Variants in CD22 observed in about 807,000 individuals in gnomAD.
CD22 encodes the protein CD22 molecule.
A neutral mutation model predicts 94.7 loss-of-function variants in CD22; 51 were observed. The observed-to-expected ratio is 0.54, with a 90% CI of 0.43 to 0.68. CD22 has a LOEUF of 0.68. CD22 is among the 30% of genes least tolerant of loss of function. The probability of loss-of-function intolerance (pLI) is 0.00; values close to 1 mark genes in which losing one functional copy is unlikely to be tolerated. For missense variants in CD22, 931 were observed against 1,060.4 expected, an observed-to-expected ratio of 0.88 and a Z score of 1.69; for synonymous variants, 424 against 422.5, an observed-to-expected ratio of 1.00 and a Z score of -0.04.
intron 1 of CD22, among the ~76,000 whole-genome samples, chr19:35,330,161 C>T (rs1394976070): frequency 1.3e-5 from 2 of 151,826 alleles, no homozygotes; most frequent in Non-Finnish European, 2.9e-5. Flanking sequence ...CCCATCTCTA[C>T]TAAAACAAAC....
chr19:35,346,051 G>C, intron 12 of CD22, 100 bp from the exon 13 acceptor site: 3 of 879,450 alleles, frequency 3.4e-6, no homozygotes, highest in Non-Finnish European at 5.7e-6. Flanking sequence ...TTACATAAGG[G>C]GCTGAGGTTG....
intron 9 of CD22, among the ~76,000 whole-genome samples, chr19:35,342,873 T>C (rs1434144263): frequency 5.3e-5 from 8 of 151,934 alleles, no homozygotes; most frequent in African/African-American, 1.2e-4. Flanking sequence ...TGCAGTGGCG[T>C]GATCACGGCT....
intron 3 of CD22, among the ~76,000 whole-genome samples, chr19:35,334,975 G>A (rs1038184575): frequency 5.3e-5 from 8 of 151,756 alleles, no homozygotes; most frequent in Non-Finnish European, 8.8e-5. Flanking sequence ...CTACTCAGGA[G>A]GCTGAGGCAG....
At chr19:35,335,160 T>TG (rs778427325) in intron 3 of CD22, among the ~76,000 whole-genome samples, 62 of 149,248 alleles carry the variant, frequency 4.2e-4, no homozygotes, top group Non-Finnish European at 2.7e-4. Context: ...CATCCGGCAA[T>TG]GAGCATGAAA....
chr19:35,342,002 GGTCA>G (rs761815466), intron 9 of CD22, 37 bp downstream of exon 9: 9 of 1,397,896 alleles, frequency 6.4e-6, no homozygotes, highest in African/African-American at 4.4e-5. Flanking sequence ...TCTTGGTGGT[GGTCA>G]GTCCTTCCTT....
chr19:35,338,183 C>A lies in CD22; in HGVS notation c.1001C>A (p.Ser334Tyr). 1 of 1,612,386 alleles carries A rather than the reference C, an allele frequency of 6.2e-7. No individual in the cohort carries two copies. The highest frequency in any genetic ancestry group is 8.5e-7 in the Non-Finnish European group (1 of 1,178,812). Residue 334 changes from serine (S) to tyrosine (Y), a missense_variant, in exon 6 of 14, where the codon TCC (serine) becomes TAC (tyrosine). Transcript: ENST00000085219. ...FLQVQYAPEP[S>Y]TVQILHSPAV... ...CCTCTTCCAGATGCCCCGGAACCTT[C>A]CACGGTTCAGATCCTCCACTCACCG...
Position 35,337,762 on chromosome 19 carries a change from G to T in CD22, c.726G>T (p.Pro242=). The change falls in exon 5 of 14, where the codon CCG becomes CCT. Residue 242 remains proline, a synonymous_variant. Coordinates refer to ENST00000085219, the MANE Select transcript of CD22 (RefSeq NM_001771.4). The surrounding 1 kb of genome is among the most constrained non-coding windows in gnomAD (Gnocchi z 4.4). The stretch of plus-strand genomic sequence containing the variant: ...GCCCCTCTGCTCCTCCAGACACCCC[G>T]AAGTTGGAGATCAAGGTCACTCCCA... ...DTVQLNVKHT[P]KLEIKVTPSD... The T allele has an allele frequency of 6.3e-7, 1 of 1,594,484 alleles. No homozygotes were observed. Among genetic ancestry groups the T allele is most frequent in the Non-Finnish European group, 8.6e-7 (1 of 1,164,828 alleles).
chr19:35,336,645 T>C (rs1017178413), intron 4 of CD22: 1 of 399,182 alleles, frequency 2.5e-6, no homozygotes, highest in African/African-American at 2.0e-5. Flanking sequence ...ATTCAATAAA[T>C]ACGTATCATG....
In CD22 at chr19:35,341,003, C is replaced by G; in HGVS notation, c.1372C>G (p.Pro458Ala). The change falls in exon 7 of 14, where the codon CCC (proline) becomes GCC (alanine). Residue 458 changes from proline to alanine, a missense_variant. Physicochemically the swap from Pro to Ala is conservative, Grantham distance 27. Transcript: ENST00000085219. The surrounding 1 kb of genome is among the most constrained non-coding windows in gnomAD (Gnocchi z 4.0). Reference protein sequence around the residue: ...NPSVTRYEWKPHGAWEEPSLG... With the variant: ...NPSVTRYEWKAHGAWEEPSLG... ...CAGTGTTACCCGGTATGAATGGAAACCCCATGGCGCCTGGGAGGAGCCATC... is the reference window on the plus strand; with the variant it reads ...CAGTGTTACCCGGTATGAATGGAAAGCCCATGGCGCCTGGGAGGAGCCATC... The G allele has an allele frequency of 8.1e-6, 13 of 1,614,220 alleles. No individual in the cohort carries two copies. The highest frequency in any genetic ancestry group is 1.1e-5 in the Non-Finnish European group (13 of 1,180,042).
chr19:35,340,172 G>A (rs2066786457), intron 6 of CD22, among the ~76,000 whole-genome samples: 2 of 152,178 alleles, frequency 1.3e-5, no homozygotes, highest in South Asian at 4.1e-4. Context: ...AGTGATGTTT[G>A]TGGAGTGTTT....
In CD22 at chr19:35,341,893, G is replaced by A. The variant is rs199891075; in HGVS notation, c.1963G>A (p.Gly655Ser). The change falls in exon 9 of 14, where the codon GGT becomes AGT. Residue 655 changes from glycine (G) to serine (S), a missense_variant. Coordinates refer to ENST00000085219, the MANE Select transcript of CD22 (RefSeq NM_001771.4). The surrounding 1 kb of genome is among the most constrained non-coding windows in gnomAD (Gnocchi z 4.0). ...RLEPVKVQHS[G>S]AYWCQGTNSV... Reference sequence around the variant, plus strand: ...GGAGCCGGTGAAGGTCCAGCACTCGGGTGCCTACTGGTGCCAGGGGACCAA... The same window carrying A: ...GGAGCCGGTGAAGGTCCAGCACTCGAGTGCCTACTGGTGCCAGGGGACCAA... The A allele has an allele frequency of 6.2e-7, 1 of 1,614,014 alleles. No homozygotes were observed. Among genetic ancestry groups the A allele is most frequent in the Non-Finnish European group, 8.5e-7 (1 of 1,180,004 alleles).
At position 35,345,676 on chromosome 19, in the gene CD22, C is replaced by A; in HGVS notation, c.2283C>A (p.Ser761Arg). Residue 761 changes from serine (S) to arginine (R), a missense_variant, in exon 12 of 14, where the codon AGC becomes AGA. Coordinates refer to ENST00000085219, the MANE Select transcript of CD22 (RefSeq NM_001771.4). ...CYNPMMEDGI[S>R]YTTLRFPEMN... ...ATCCAATGATGGAAGATGGCATTAG[C>A]TACACCACCCTGCGCTTTCCCGAGA... is the stretch of plus-strand genomic sequence containing the variant. The A allele has an allele frequency of 6.2e-7, 1 of 1,613,868 alleles. No homozygotes were observed. Among genetic ancestry groups the A allele is most frequent in the Non-Finnish European group, 8.5e-7 (1 of 1,179,768 alleles).
rs533132916 is a variant in CD22, at chr19:35,330,163, A to AAAAC, written c.-23+953_-23+956dup. On this transcript the variant is annotated intron_variant, in intron 1 of 13. Transcript: ENST00000085219. Reference sequence around the variant, plus strand: ...AACATGGTGAAACCCCATCTCTACTAAAACAAACAAACAAACAAACAAATC... The same window carrying AAAAC: ...AACATGGTGAAACCCCATCTCTACTAAAACAAACAAACAAACAAACAAACAAATC... 7.4e-3 allele frequency among the ~76,000 whole-genome samples: 1,131 copies of AAAAC among 152,158 alleles called. 23 individuals carry two copies. Among genetic ancestry groups the AAAAC allele is most frequent in the African/African-American group, 0.026 (1,090 of 41,492 alleles).
At position 35,342,017 on chromosome 19, in the gene CD22, C is replaced by T. The variant is rs60715912; in HGVS notation, c.2035+52C>T. The T allele has an allele frequency of 4.3e-3, 2,392 of 558,826 alleles. 58 individuals carry two copies. The African/African-American group carries it at 0.08, about 19-fold the overall frequency. 34.6% of individuals were successfully genotyped at this position (558,826 alleles called of 1,614,324 possible). ...TCTTGGTGGTGGTCAGTCCTTCCTT[C>T]CTTCCTTCCTTCCTTCCTTCCTTCC... On this transcript the variant is annotated intron_variant, in intron 9 of 13. Coordinates refer to ENST00000085219, the MANE Select transcript of CD22 (RefSeq NM_001771.4).
chr19:35,331,516 G>A (rs887683874), intron 1 of CD22, among the ~76,000 whole-genome samples: 1 of 152,126 alleles, frequency 6.6e-6, no homozygotes, highest in Non-Finnish European at 1.5e-5. Context: ...GGCTGCCCCC[G>A]CAGGGCTCTC....
chr19:35,333,154 C>T lies in CD22; in HGVS notation c.412+230C>T, dbSNP rs1163198925. ...TCTGGGACCTGGATTCCAAAGTTATCGGATCTCCTGATCTTTCCCTCTTTC... is the reference window on the plus strand; with the variant it reads ...TCTGGGACCTGGATTCCAAAGTTATTGGATCTCCTGATCTTTCCCTCTTTC... On this transcript the variant is annotated intron_variant, in intron 3 of 13. Coordinates refer to ENST00000085219, the MANE Select transcript of CD22 (RefSeq NM_001771.4). The T allele has an allele frequency of 3.4e-5, 18 of 534,354 alleles. No individual in the cohort carries two copies. The Admixed American group carries it at 5.3e-4, about 16-fold the overall frequency. The allele number at this position is 534,354 out of a possible 1,614,324, so 33.1% of individuals were successfully genotyped here. A position where few individuals can be genotyped will look rare whatever the true frequency, so the allele number is the denominator to read the frequency against.
intron 2 of CD22, 44 bp downstream of exon 2, chr19:35,332,118 AGT>A: frequency 6.2e-7 from 1 of 1,612,890 alleles, no homozygotes. Context: ...CTGGGATGTC[AGT>A]GGGCACTGGA....
Position 35,338,765 on chromosome 19 carries a change from G to A in CD22, c.1249+334G>A, listed in dbSNP as rs189903626. Among the ~76,000 whole-genome samples the A allele has an allele frequency of 6.4e-3, 974 of 152,180 alleles. 50 individuals are homozygous for A. The East Asian group carries it at 0.1, about 16-fold the overall frequency. ...CTGTCTCAGCCTCCTGAGTAGCTGG[G>A]ATGACAGGCGCCCGCCACCACGCCC... On this transcript the variant is annotated intron_variant, in intron 6 of 13. Transcript: ENST00000085219.
chr19:35,340,879 A>G lies in CD22; in HGVS notation c.1250-2A>G. The stretch of plus-strand genomic sequence containing the variant: ...TTACTCACCTCTCTGGTTTTCTTCC[A>G]GATCCTCCCAAGAAGGTGACCACAG... On this transcript the variant is annotated splice_acceptor_variant, in intron 6 of 13. Transcript: ENST00000085219. LOFTEE classifies it high-confidence loss of function. The G allele has an allele frequency of 6.2e-7, 1 of 1,614,092 alleles. No individual in the cohort carries two copies. The highest frequency in any genetic ancestry group is 1.1e-5 in the South Asian group (1 of 91,070).
Sources: gnomAD v4.1 joint callset for allele counts (sites outside exome capture counted in the v4.1 genomes callset) on GRCh38, gnomAD v4.1.1 for gene constraint, Gnocchi (gnomAD v3.1) non-coding constraint, MANE v1.5 for transcripts, NCBI Gene and HGNC (gene_info 2026-07-23, HGNC 2026-07-21) for gene names.